The following DLG2 variants were observed in gnomAD, a reference collection of about 807,000 sequenced individuals.
DLG2 encodes the protein discs large MAGUK scaffold protein 2.
Under a neutral mutation model 132.5 loss-of-function variants are expected in DLG2, and 45 were observed. That is an observed-to-expected ratio of 0.34 (90% confidence interval 0.27 to 0.44). The LOEUF (loss-of-function observed/expected upper bound fraction) is 0.44, where lower values mean the gene tolerates loss of function less well. Ranked by LOEUF, DLG2 falls within the 20% of genes least tolerant of loss-of-function variation. The pLI is 1.00. For synonymous variants in DLG2, 424 were observed against 419.6 expected, an observed-to-expected ratio of 1.01 and a Z score of -0.13; for missense variants, 1,045 against 1,196.9, an observed-to-expected ratio of 0.87 and a Z score of 1.87.
At chr11:84,476,333 A>T (rs1008283050) in intron 7 of DLG2, among the ~76,000 whole-genome samples, 3 of 152,212 alleles carry the variant, frequency 2.0e-5, no homozygotes, top group African/African-American at 7.2e-5. Flanking sequence ...ATAAACAAAC[A>T]AATACTTACA....
intron 6 of DLG2, among the ~76,000 whole-genome samples, chr11:84,822,147 C>T (rs1009976813): frequency 4.0e-5 from 6 of 151,780 alleles, no homozygotes; most frequent in African/African-American, 7.3e-5. Flanking sequence ...AGTAGTTTAC[C>T]TCTGCACAAG....
At chr11:84,810,050 TTATGA>T (rs1269419095) in intron 6 of DLG2, among the ~76,000 whole-genome samples, 1 of 152,012 alleles carries the variant, frequency 6.6e-6, no homozygotes, top group Admixed American at 6.5e-5. Flanking sequence ...AACCTAAATC[TTATGA>T]TATAAAATTT....
At chr11:85,602,918 T>C (rs1297125661) in intron 2 of DLG2, among the ~76,000 whole-genome samples, 1 of 152,192 alleles carries the variant, frequency 6.6e-6, no homozygotes, top group Non-Finnish European at 1.5e-5. Flanking sequence ...ATCATCTTAG[T>C]AGTAAGGCCT....
At chr11:84,483,298 G>A (rs1418810559) in intron 7 of DLG2, among the ~76,000 whole-genome samples, 2 of 151,908 alleles carry the variant, frequency 1.3e-5, no homozygotes, top group Non-Finnish European at 2.9e-5. Context: ...CAGGCATGAT[G>A]GCGGGTGCCT....
At chr11:84,618,875 A>G (rs1194000787) in intron 6 of DLG2, among the ~76,000 whole-genome samples, 2 of 152,104 alleles carry the variant, frequency 1.3e-5, no homozygotes, top group African/African-American at 4.8e-5. Context: ...AATAGCCATG[A>G]GTAATATTTA....
At chr11:84,948,831 T>TTC (rs1398566107) in intron 6 of DLG2, among the ~76,000 whole-genome samples, 1 of 152,194 alleles carries the variant, frequency 6.6e-6, no homozygotes, top group African/African-American at 2.4e-5. Context: ...GCCTCAATGT[T>TTC]TCCATGTGTA....
chr11:84,535,051 C>T (rs147298512), intron 6 of DLG2, among the ~76,000 whole-genome samples: 1 of 152,136 alleles, frequency 6.6e-6, no homozygotes, highest in Admixed American at 6.5e-5. Context: ...GAGGAGGTAA[C>T]CCTCCTGACC....
intron 3 of DLG2, among the ~76,000 whole-genome samples, chr11:85,409,443 T>C (rs1054485238): frequency 4.0e-5 from 6 of 151,846 alleles, no homozygotes; most frequent in African/African-American, 1.4e-4. Context: ...TGGTAAGCAT[T>C]AAAATAACAA....
intron 8 of DLG2, among the ~76,000 whole-genome samples, chr11:84,226,491 G>C (rs1275985952): frequency 6.6e-6 from 1 of 152,128 alleles, no homozygotes; most frequent in African/African-American, 2.4e-5. Flanking sequence ...TGTGAAGGTA[G>C]GTCAAACAAA....
At chr11:84,503,008 T>C (rs1167306397) in intron 7 of DLG2, among the ~76,000 whole-genome samples, 2 of 152,202 alleles carry the variant, frequency 1.3e-5, no homozygotes, top group Non-Finnish European at 2.9e-5. Context: ...AAACTGACTA[T>C]GCTAAGTGGG....
chr11:85,060,476 T>C (rs1391458165), intron 6 of DLG2, among the ~76,000 whole-genome samples: 1 of 150,146 alleles, frequency 6.7e-6, no homozygotes, highest in East Asian at 1.9e-4. Flanking sequence ...TGTATATATA[T>C]GTGTATATAT....
intron 6 of DLG2, among the ~76,000 whole-genome samples, chr11:84,765,363 A>G (rs886404607): frequency 9.2e-5 from 14 of 152,162 alleles, no homozygotes; most frequent in African/African-American, 3.4e-4. Flanking sequence ...GCAACGTGCT[A>G]CATTTGTAGT....
intron 11 of DLG2, among the ~76,000 whole-genome samples, chr11:84,037,523 T>TA (rs1331716979): frequency 6.6e-6 from 1 of 152,104 alleles, no homozygotes; most frequent in African/African-American, 2.4e-5. Context: ...GACTTAAATG[T>TA]AAAAAACTGT....
chr11:85,322,281 G>C (rs1285655548), intron 3 of DLG2, among the ~76,000 whole-genome samples: 3 of 151,766 alleles, frequency 2.0e-5, no homozygotes, highest in Non-Finnish European at 4.4e-5. Context: ...ATATTCCTTG[G>C]TCCATCACTT....
Position 85,561,331 on chromosome 11 carries a change from C to CAAAAAAAAAA in DLG2, c.40+37316_40+37325dup, listed in dbSNP as rs1162562595. ...TAGGTGACAGAGCAAGACCCTATCT[C>CAAAAAAAAAA]AAAAAAAAAAAAAAAAAAAAAAAAA... On this transcript the variant is annotated intron_variant, in intron 3 of 27. Coordinates refer to ENST00000376104, the MANE Select transcript of DLG2 (RefSeq NM_001142699.3). Among the ~76,000 whole-genome samples, 14 of 12,514 alleles carry CAAAAAAAAAA rather than the reference C, an allele frequency of 1.1e-3. 2 individuals are homozygous for CAAAAAAAAAA. The highest frequency in any genetic ancestry group is 1.4e-3 in the Admixed American group (1 of 716). 8.2% of individuals were successfully genotyped at this position (12,514 alleles called of 152,430 possible).
chr11:83,646,872 A>G (rs1418335736), intron 18 of DLG2: 2 of 152,052 alleles, frequency 1.3e-5, no homozygotes, highest in Non-Finnish European at 2.9e-5. Context: ...TCCTTTTTAA[A>G]AGCTACTGTT....
intron 18 of DLG2, among the ~76,000 whole-genome samples, chr11:83,742,272 A>T (rs529317260): frequency 2.0e-5 from 3 of 151,674 alleles, no homozygotes; most frequent in African/African-American, 7.3e-5. Context: ...TGGCTATGTT[A>T]ATTTGACTGA....
At chr11:85,581,027 G>T (rs1466083559) in intron 3 of DLG2, among the ~76,000 whole-genome samples, 1 of 152,042 alleles carries the variant, frequency 6.6e-6, no homozygotes, top group Non-Finnish European at 1.5e-5. Context: ...ACTAATGGGG[G>T]GGCACCAGCA....
chr11:83,562,905 G>A (rs1046679463), intron 19 of DLG2, among the ~76,000 whole-genome samples: 1 of 135,714 alleles, frequency 7.4e-6, no homozygotes, highest in Non-Finnish European at 1.6e-5. Context: ...GATTTCCCTA[G>A]TAGGTTGTTC....
Sources: allele counts gnomAD v4.1 joint callset (sites outside exome capture counted in the v4.1 genomes callset), GRCh38; gene constraint gnomAD v4.1.1; transcripts MANE v1.5; gene names NCBI Gene and HGNC (gene_info 2026-07-23, HGNC 2026-07-21).